HPS5: variants seen among roughly 807,000 people sequenced by gnomAD.
HPS5 encodes the protein HPS5 biogenesis of lysosomal organelles complex 2 subunit 2.
HPS5 carries 83 observed loss-of-function variants against 128.0 expected under a neutral mutation model. The ratio of observed to expected loss-of-function variants is 0.65; its 90% confidence interval spans 0.54 to 0.78. HPS5 has a LOEUF of 0.78. HPS5 is among the 30% of genes least tolerant of loss of function. HPS5 has a pLI of 0.00. For missense variants in HPS5, 1,281 were observed against 1,326.2 expected, an observed-to-expected ratio of 0.97 and a Z score of 0.53; for synonymous variants, 475 against 470.2, an observed-to-expected ratio of 1.01 and a Z score of -0.13.
rs1131692151 is a variant in HPS5, at chr11:18,286,676, ACT to A, written c.2750_2751del (p.Glu917ValfsTer14). ...SSFLESLLQP[E>X]SLRLDWLLLA... Reference sequence around the variant, plus strand: ...AAAAGCAGCCAATCCAACCTTAAAGACTCTGGTTGCAGAAGGGACTCAAGAAA... The same window carrying A: ...AAAAGCAGCCAATCCAACCTTAAAGACTGGTTGCAGAAGGGACTCAAGAAA... On this transcript the variant is annotated frameshift_variant, in exon 19 of 23. Coordinates refer to ENST00000349215, the MANE Select transcript of HPS5 (RefSeq NM_181507.2). LOFTEE classifies it high-confidence loss of function. The A allele has an allele frequency of 1.2e-6, 2 of 1,614,030 alleles. No individual in the cohort carries two copies. Among genetic ancestry groups the A allele is most frequent in the Non-Finnish European group, 1.7e-6 (2 of 1,179,956 alleles).
intron 11 of HPS5, 50 bp from the exon 12 acceptor site, chr11:18,297,034 T>C: frequency 8.5e-7 from 1 of 1,172,940 alleles, no homozygotes; most frequent in Non-Finnish European, 1.3e-6. Flanking sequence ...ATTTCCTTTA[T>C]AACGTTAATA....
At chr11:18,299,830 T>G (rs553740447) in intron 9 of HPS5, among the ~76,000 whole-genome samples, 2 of 152,200 alleles carry the variant, frequency 1.3e-5, no homozygotes, top group African/African-American at 4.8e-5. Flanking sequence ...AAATTACTCA[T>G]GAAAACTGGA....
At chr11:18,286,480 T>A in intron 19 of HPS5, 111 bp downstream of exon 19, 3 of 1,086,386 alleles carry the variant, frequency 2.8e-6, no homozygotes, top group Non-Finnish European at 4.0e-6. Flanking sequence ...AGGTCAAGGC[T>A]GCAGGAAGCC....
At chr11:18,297,845 C>T (rs1192363479) in intron 10 of HPS5, 128 bp from the exon 11 acceptor site, 9 of 858,030 alleles carry the variant, frequency 1.0e-5, no homozygotes, top group East Asian at 2.6e-5. Context: ...TCTGGGAGGC[C>T]GAGGCGGGCA....
rs528637714 is a variant in HPS5, at chr11:18,297,832, C to A, written c.1165-115G>T. On this transcript the variant is annotated intron_variant, in intron 10 of 22. Coordinates refer to ENST00000349215, the MANE Select transcript of HPS5 (RefSeq NM_181507.2). ...CGGTGGCTCACGCCTGTAATCCCAG[C>A]ACTCTGGGAGGCCGAGGCGGGCAGA... The A allele has an allele frequency of 4.9e-6, 5 of 1,014,220 alleles. No homozygotes were observed. In the African/African-American group the frequency reaches 6.4e-5, roughly 13 times the overall value. The allele number at this position is 1,014,220 out of a possible 1,614,324, so 62.8% of individuals were successfully genotyped here.
Position 18,306,224 on chromosome 11 carries a change from C to T in HPS5, c.735G>A (p.Met245Ile). Residue 245 changes from methionine (M) to isoleucine (I), a missense_variant, in exon 7 of 23, where the codon ATG becomes ATA. Transcript: ENST00000349215. ...LIYCARPGSR[M>I]WEVNFDGEVI... ...CTTCTCCATCAAAGTTCACTTCCCA[C>T]ATCCTAGAGCCTGGGCGAGCACAAT... is the stretch of plus-strand genomic sequence containing the variant. The T allele has an allele frequency of 6.2e-7, 1 of 1,614,126 alleles. No individual in the cohort carries two copies. Among genetic ancestry groups the T allele is most frequent in the Non-Finnish European group, 8.5e-7 (1 of 1,179,978 alleles).
Position 18,308,970 on chromosome 11 carries a change from C to G in HPS5, c.587G>C (p.Arg196Pro). 1 of 1,613,894 alleles carries G rather than the reference C, an allele frequency of 6.2e-7. No homozygotes were observed. The highest frequency in any genetic ancestry group is 8.5e-7 in the Non-Finnish European group (1 of 1,179,894). The stretch of plus-strand genomic sequence containing the variant: ...CCTCTCAGTGTCACACAAGAAGGAT[C>G]GAGTAAGTGAAGATATAAGTAGCCT... ...DGRLLISSLTRSFLCDTEREK... is the reference protein window; with the variant it reads ...DGRLLISSLTPSFLCDTEREK... The change falls in exon 6 of 23, where the codon CGA (arginine) becomes CCA (proline). Residue 196 changes from arginine (R) to proline (P), a missense_variant. Transcript: ENST00000349215.
intron 7 of HPS5, 72 bp downstream of exon 7, chr11:18,306,063 T>C: frequency 1.9e-6 from 2 of 1,077,678 alleles, no homozygotes; most frequent in South Asian, 1.3e-5. Context: ...ACAGATAGAA[T>C]ATCAGAGATT....
intron 6 of HPS5, among the ~76,000 whole-genome samples, chr11:18,308,535 C>G (rs1396357169): frequency 2.0e-5 from 3 of 152,152 alleles, no homozygotes; most frequent in Non-Finnish European, 2.9e-5. Flanking sequence ...ATCTGTATAG[C>G]CAGGGGCAGT....
In HPS5 at chr11:18,296,950, C is replaced by G; in HGVS notation, c.1358G>C (p.Arg453Pro). The G allele has an allele frequency of 6.2e-7, 1 of 1,605,114 alleles. No homozygotes were observed. The highest frequency in any genetic ancestry group is 8.5e-7 in the Non-Finnish European group (1 of 1,173,880). The change falls in exon 12 of 23, where the codon CGT (arginine) becomes CCT (proline). Residue 453 changes from arginine to proline, a missense_variant. Arg to Pro is a moderately radical substitution (Grantham distance 103, BLOSUM62 -2). Transcript: ENST00000349215. Reference sequence around the variant, plus strand: ...ACTGCCTCTTCTACTACTAATGATACGATAAATACCAGAGTCCAAGATGCT... The same window carrying G: ...ACTGCCTCTTCTACTACTAATGATAGGATAAATACCAGAGTCCAAGATGCT... ...SFSILDSGIY[R>P]IISSRRGSQS...
At chr11:18,290,850 G>T (rs1428547280) in intron 16 of HPS5, among the ~76,000 whole-genome samples, 1 of 151,952 alleles carries the variant, frequency 6.6e-6, no homozygotes, top group Non-Finnish European at 1.5e-5. Context: ...TGAACCCAAG[G>T]GATCAAGGCT....
chr11:18,322,092 A>G lies in HPS5; in HGVS notation c.-196T>C, dbSNP rs946576049. On this transcript the variant is annotated 5_prime_UTR_variant, in exon 1 of 23. Transcript: ENST00000349215. ...AGGGCAGTACCTCGCAGCTCTCAGT[A>G]GATCGGATCTTGTCTCCCGGCTTAG... 2 of 152,384 alleles carry G rather than the reference A, an allele frequency of 1.3e-5. No homozygotes were observed. The highest frequency in any genetic ancestry group is 2.9e-5 in the Non-Finnish European group (2 of 68,132). 9.4% of individuals were successfully genotyped at this position (152,384 alleles called of 1,614,324 possible). A position where few individuals can be genotyped will look rare whatever the true frequency, so the allele number is the denominator to read the frequency against.
In HPS5 at chr11:18,298,832, C is replaced by A; in HGVS notation, c.1124G>T (p.Arg375Leu). Residue 375 changes from arginine (R) to leucine (L), a missense_variant, in exon 10 of 23, where the codon CGT becomes CTT. Coordinates refer to ENST00000349215, the MANE Select transcript of HPS5 (RefSeq NM_181507.2). ...LRRGLWNLAA[R>L]TCCLFQNSVI... ...AGAATTTTGGAAAAGACAGCATGTA[C>A]GAGCAGCCAAGTTCCATAGGCCTCT... 1 of 1,614,126 alleles carries A rather than the reference C, an allele frequency of 6.2e-7. No homozygotes were observed. The highest frequency in any genetic ancestry group is 8.5e-7 in the Non-Finnish European group (1 of 1,180,010).
Position 18,311,991 on chromosome 11 carries a change from C to A in HPS5, c.142G>T (p.Ala48Ser), listed in dbSNP as rs1161303509. ...TSIAVSRKWL[A>S]LGSSGGGLHL... Reference sequence around the variant, plus strand: ...AGTCCTCCTCCTGAACTGCCCAAAGCCAACCATTTCCGAGACACAGCTATG... The same window carrying A: ...AGTCCTCCTCCTGAACTGCCCAAAGACAACCATTTCCGAGACACAGCTATG... The change falls in exon 3 of 23, where the codon GCT becomes TCT. Residue 48 changes from alanine (A) to serine (S), a missense_variant. Ala to Ser is a moderately conservative substitution (Grantham distance 99). Transcript: ENST00000349215. 6.2e-7 allele frequency: 1 copy of A among 1,613,894 alleles called. No individual in the cohort carries two copies. The highest frequency in any genetic ancestry group is 1.3e-5 in the African/African-American group (1 of 74,888).
intron 16 of HPS5, among the ~76,000 whole-genome samples, chr11:18,290,587 C>T (rs1304017647): frequency 1.3e-5 from 2 of 152,224 alleles, no homozygotes; most frequent in African/African-American, 4.8e-5. Context: ...TTCCCCAGCA[C>T]TGCTCTACCA....
intron 5 of HPS5, among the ~76,000 whole-genome samples, 171 bp from the exon 6 acceptor site, chr11:18,309,250 T>C (rs1862700232): frequency 6.6e-6 from 1 of 152,250 alleles, no homozygotes; most frequent in South Asian, 2.1e-4. Flanking sequence ...ACTTAAAAGT[T>C]GTATTAAATA....
chr11:18,312,590 T>G (rs1863141984), intron 2 of HPS5, among the ~76,000 whole-genome samples: 1 of 152,222 alleles, frequency 6.6e-6, no homozygotes, highest in Non-Finnish European at 1.5e-5. Flanking sequence ...ACCATAGAAG[T>G]TGGAAAACCT....
At chr11:18,315,200 G>A (rs989271534) in intron 2 of HPS5, among the ~76,000 whole-genome samples, 1 of 152,190 alleles carries the variant, frequency 6.6e-6, no homozygotes, top group African/African-American at 2.4e-5. Flanking sequence ...TTGACATGCT[G>A]ACAGTTCTTA....
At chr11:18,305,001 T>C (rs1227874219) in intron 8 of HPS5, among the ~76,000 whole-genome samples, 1 of 152,190 alleles carries the variant, frequency 6.6e-6, no homozygotes, top group African/African-American at 2.4e-5. Context: ...AGAGTACCTA[T>C]AGGATAGAGA....
Sources: gnomAD v4.1 joint callset for allele counts (sites outside exome capture counted in the v4.1 genomes callset) on GRCh38, gnomAD v4.1.1 for gene constraint, MANE v1.5 for transcripts, NCBI Gene and HGNC (gene_info 2026-07-23, HGNC 2026-07-21) for gene names.